Variants in GGPS1 observed in about 807,000 individuals in gnomAD.
The protein encoded by GGPS1 is geranylgeranyl diphosphate synthase 1.
Under a neutral mutation model 28.1 loss-of-function variants are expected in GGPS1, and 15 were observed. The observed-to-expected ratio is 0.53, with a 90% CI of 0.36 to 0.82. GGPS1 has a LOEUF of 0.82. GGPS1 is among the 40% of genes least tolerant of loss of function. The pLI, the probability that GGPS1 is intolerant of heterozygous loss-of-function variation, is 0.01. For synonymous variants in GGPS1, 138 were observed against 122.4 expected, an observed-to-expected ratio of 1.13 and a Z score of -0.84; for missense variants, 284 against 348.3, an observed-to-expected ratio of 0.82 and a Z score of 1.47.
At chr1:235,340,687 G>T (rs1676011292) in intron 2 of GGPS1, among the ~76,000 whole-genome samples, 1 of 125,126 alleles carries the variant, frequency 8.0e-6, no homozygotes, top group Admixed American at 1.0e-4. Context: ...AGTGAGCCGA[G>T]ATCGCGCCAC....
At chr1:235,328,483 G>A (rs964149745), upstream of GGPS1, 5 of 151,858 alleles carry the variant, frequency 3.3e-5, no homozygotes, top group Non-Finnish European at 7.3e-5. Flanking sequence ...GCAATGCCCT[G>A]CGCCTGCGTG....
chr1:235,341,839 T>C, intron 3 of GGPS1, 61 bp downstream of exon 3: 1 of 1,033,514 alleles, frequency 9.7e-7, no homozygotes, highest in South Asian at 1.3e-5. Flanking sequence ...CATAAAAATA[T>C]TCCTAGTTCT....
At chr1:235,334,057 TA>T (rs1447696248) in intron 1 of GGPS1, among the ~76,000 whole-genome samples, 1 of 152,108 alleles carries the variant, frequency 6.6e-6, no homozygotes, top group Non-Finnish European at 1.5e-5. Flanking sequence ...AATACTGAAA[TA>T]AGACAGATTT....
rs138366208 is a variant in GGPS1 at position 235,340,125 on chromosome 1, T to C, written c.71-1583T>C. The stretch of plus-strand genomic sequence containing the variant: ...TCCAGCCTGGGCAACAGAATGAGAC[T>C]CCGTCTCAAAAACAAAAAACAAAAA... On this transcript the variant is annotated intron_variant, in intron 2 of 3. Transcript: ENST00000282841. Among the ~76,000 whole-genome samples the C allele has an allele frequency of 5.7e-3, 864 of 151,958 alleles. 13 individuals are homozygous for C. Among genetic ancestry groups the C allele is most frequent in the African/African-American group, 0.02 (825 of 41,412 alleles).
At chr1:235,338,276 G>T (rs182895574) in intron 2 of GGPS1, among the ~76,000 whole-genome samples, 1 of 151,804 alleles carries the variant, frequency 6.6e-6, no homozygotes, top group African/African-American at 2.4e-5. Context: ...AGCTTACCTG[G>T]GGGACTGAGG....
Position 235,341,793 on chromosome 1 carries a change from T to G in GGPS1, c.141+15T>G. Reference sequence around the variant, plus strand: ...ACAAGCTACAGGTATTAGGCAACTCTAACCTCATTAATCCCCAAGAAATTA... The same window carrying G: ...ACAAGCTACAGGTATTAGGCAACTCGAACCTCATTAATCCCCAAGAAATTA... On this transcript the variant is annotated intron_variant, in intron 3 of 3. Coordinates refer to ENST00000282841, the MANE Select transcript of GGPS1 (RefSeq NM_004837.4). 7.1e-7 allele frequency: 1 copy of G among 1,415,154 alleles called. No individual in the cohort carries two copies. Among genetic ancestry groups the G allele is most frequent in the Non-Finnish European group, 9.9e-7 (1 of 1,006,932 alleles). The allele number at this position is 1,415,154 out of a possible 1,614,324, so 87.7% of individuals were successfully genotyped here.
chr1:235,328,193 C>G (rs529367312), upstream of GGPS1: 3 of 147,988 alleles, frequency 2.0e-5, no homozygotes, highest in African/African-American at 4.9e-5. Flanking sequence ...GCTTCCCCCC[C>G]ACCGACTCTA....
chr1:235,334,881 GCACACACCA>G (rs1375046322), intron 1 of GGPS1, among the ~76,000 whole-genome samples: 18 of 152,116 alleles, frequency 1.2e-4, no homozygotes, highest in Admixed American at 1.2e-3. Context: ...AGAACTACAG[GCACACACCA>G]CCATGCTCGG....
In GGPS1 at chr1:235,335,340, A is replaced by G. The variant is rs543784746; in HGVS notation, c.70+6A>G. On this transcript the variant is annotated splice_donor_region_variant and intron_variant, in intron 2 of 3. Transcript: ENST00000282841. ...ATACTTACTTCAGTTACCAGGTAAT[A>G]CTTCACTTACAGTCCATATAGGGTC... 2.0e-4 allele frequency: 270 copies of G among 1,345,874 alleles called. 2 individuals carry two copies. In the South Asian group the frequency reaches 3.1e-3, roughly 15 times the overall value. The allele number at this position is 1,345,874 out of a possible 1,614,324, so 83.4% of individuals were successfully genotyped here.
At chr1:235,330,157 T>C (rs1371381295) in intron 1 of GGPS1, 1 of 152,176 alleles carries the variant, frequency 6.6e-6, no homozygotes. Flanking sequence ...TGAGAGTATA[T>C]GCCACGGTGT....
At chr1:235,329,676 G>C (rs1173704608) in intron 1 of GGPS1, 1 of 152,246 alleles carries the variant, frequency 6.6e-6, no homozygotes, top group African/African-American at 2.4e-5. Flanking sequence ...GGGGAGTGTC[G>C]AACCTTTTAG....
rs1676097181 is a variant in GGPS1, at chr1:235,342,902, A to G, written c.*130A>G. 1 of 614,236 alleles carries G rather than the reference A, an allele frequency of 1.6e-6. No individual in the cohort carries two copies. The highest frequency in any genetic ancestry group is 2.9e-6 in the Non-Finnish European group (1 of 349,136). The allele number at this position is 614,236 out of a possible 1,614,324, so 38.0% of individuals were successfully genotyped here. A position where few individuals can be genotyped will look rare whatever the true frequency, so the allele number is the denominator to read the frequency against. On this transcript the variant is annotated 3_prime_UTR_variant, in exon 4 of 4. Transcript: ENST00000282841. ...TAAATAGGTGAGTAGGGGTGGTGCAAGTGAATTCGTTTTCATTTAGAAGCC... is the reference window on the plus strand; with the variant it reads ...TAAATAGGTGAGTAGGGGTGGTGCAGGTGAATTCGTTTTCATTTAGAAGCC...
chr1:235,329,288 T>TA (rs1393126249), intron 1 of GGPS1: 1 of 152,120 alleles, frequency 6.6e-6, no homozygotes, highest in Non-Finnish European at 1.5e-5. Flanking sequence ...TTTCATCGTC[T>TA]AACGCGTTAG....
At chr1:235,337,385 CAT>C (rs373893643) in intron 2 of GGPS1, among the ~76,000 whole-genome samples, 138 of 152,208 alleles carry the variant, frequency 9.1e-4, no homozygotes, top group African/African-American at 3.1e-3. Flanking sequence ...CATTAGATAA[CAT>C]ATTTAAAATT....
chr1:235,334,386 AAAC>A, intron 1 of GGPS1, among the ~76,000 whole-genome samples: 1 of 152,346 alleles, frequency 6.6e-6, no homozygotes, highest in East Asian at 1.9e-4. Flanking sequence ...GTGACTAAGA[AAAC>A]AACTTAAAAA....
chr1:235,341,973 A>G (rs528849625), intron 3 of GGPS1, 38 bp from the exon 4 acceptor site: 2 of 1,271,902 alleles, frequency 1.6e-6, no homozygotes, highest in Admixed American at 2.3e-5. Context: ...TAAGTTTTGA[A>G]TAGTTCAAAT....
chr1:235,336,395 A>C (rs962258040), intron 2 of GGPS1, among the ~76,000 whole-genome samples: 1 of 152,240 alleles, frequency 6.6e-6, no homozygotes, highest in Non-Finnish European at 1.5e-5. Context: ...GACTCAAAAA[A>C]AAAGAAGAAC....
rs111991595 is a variant in GGPS1, at chr1:235,340,253, G to C, written c.71-1455G>C. Reference sequence around the variant, plus strand: ...TTTGGGAGGCTGTAGCGGCCGGATTGCTTGAGCCCAGGAGTTTGAGACCAG... The same window carrying C: ...TTTGGGAGGCTGTAGCGGCCGGATTCCTTGAGCCCAGGAGTTTGAGACCAG... On this transcript the variant is annotated intron_variant, in intron 2 of 3. Transcript: ENST00000282841. Among the ~76,000 whole-genome samples the C allele has an allele frequency of 2.0e-5, 3 of 152,268 alleles. No homozygotes were observed. In the South Asian group the frequency reaches 6.2e-4, roughly 32 times the overall value.
intron 2 of GGPS1, among the ~76,000 whole-genome samples, chr1:235,338,814 C>T (rs548293251): frequency 2.2e-4 from 34 of 152,196 alleles, no homozygotes; most frequent in Non-Finnish European, 2.9e-4. Flanking sequence ...TGCAGTAGGC[C>T]GTGATTGTGC....
Sources: allele counts gnomAD v4.1 joint callset (sites outside exome capture counted in the v4.1 genomes callset), GRCh38; gene constraint gnomAD v4.1.1; transcripts MANE v1.5; gene names NCBI Gene and HGNC (gene_info 2026-07-23, HGNC 2026-07-21).